Variants in NCOA6 observed in about 807,000 individuals in gnomAD.
NCOA6 encodes nuclear receptor coactivator 6, also known as NRC RAP250.
In NCOA6, 49 loss-of-function variants were observed where a neutral mutation model predicts 171.4. That is an observed-to-expected ratio of 0.29 (90% confidence interval 0.23 to 0.36). NCOA6 has a LOEUF of 0.36. Among genes scored for constraint, NCOA6 ranks in the 10% least tolerant of loss-of-function variants. The probability of loss-of-function intolerance (pLI) is 1.00; values close to 1 mark genes in which losing one functional copy is unlikely to be tolerated. For missense variants in NCOA6, 2,248 were observed against 2,554.5 expected, an observed-to-expected ratio of 0.88 and a Z score of 2.59; for synonymous variants, 910 against 927.5, an observed-to-expected ratio of 0.98 and a Z score of 0.34.
At chr20:34,809,942 T>C (rs780867038) in intron 1 of NCOA6, among the ~76,000 whole-genome samples, 1 of 152,152 alleles carries the variant, frequency 6.6e-6, no homozygotes, top group African/African-American at 2.4e-5. Flanking sequence ...CACTCCAGCC[T>C]GGGTGACAGA....
intron 5 of NCOA6, among the ~76,000 whole-genome samples, chr20:34,760,713 T>A (rs1303808290): frequency 6.6e-6 from 1 of 152,352 alleles, no homozygotes; most frequent in Non-Finnish European, 1.5e-5. Flanking sequence ...TGTCAATTTT[T>A]ATTAAATTAT....
rs1988380051 is a variant in NCOA6, at chr20:34,715,230, G to T, written c.*92C>A. On this transcript the variant is annotated 3_prime_UTR_variant, in exon 15 of 15. Transcript: ENST00000359003. ...GGCCACATTATTAAAATTACTAACT[G>T]TACAGAAATTGATTTAAAAAAGTCA... is the stretch of plus-strand genomic sequence containing the variant. 1.3e-6 allele frequency: 2 copies of T among 1,532,590 alleles called. No homozygotes were observed. 94.9% of individuals were successfully genotyped at this position (1,532,590 alleles called of 1,614,324 possible). A position where few individuals can be genotyped will look rare whatever the true frequency, so the allele number is the denominator to read the frequency against.
In NCOA6 at chr20:34,740,472, G is replaced by A. The variant is rs774711651; in HGVS notation, c.5784C>T (p.Ser1928=). Residue 1928 remains serine, a synonymous_variant, in exon 11 of 15, where the codon TCC becomes TCT. Coordinates refer to ENST00000359003, the MANE Select transcript of NCOA6 (RefSeq NM_014071.5). ...VTTLVPSELI[S]AVPTTKSNHG... ...GATTGCTTTTTGTGGTCGGTACGGCGGAGATGAGCTCGGAGGGTACCAGAG... is the reference window on the plus strand; with the variant it reads ...GATTGCTTTTTGTGGTCGGTACGGCAGAGATGAGCTCGGAGGGTACCAGAG... 2.9e-5 allele frequency: 47 copies of A among 1,614,076 alleles called. No individual in the cohort carries two copies. The highest frequency in any genetic ancestry group is 1.1e-4 in the South Asian group (10 of 91,086).
In NCOA6 at chr20:34,800,740, G is replaced by A. The variant is rs185750018; in HGVS notation, c.-163-8177C>T. Among the ~76,000 whole-genome samples, 157 of 152,246 alleles carry A rather than the reference G, an allele frequency of 1.0e-3. 2 individuals are homozygous for A. The highest frequency in any genetic ancestry group is 6.3e-3 in the Admixed American group (96 of 15,290). ...AAATATTATTAGAGCCAAAGAGAAA[G>A]ACAGACCCCAATACAGTAAGAGCTG... is the stretch of plus-strand genomic sequence containing the variant. On this transcript the variant is annotated intron_variant, in intron 1 of 14. Transcript: ENST00000359003.
chr20:34,783,474 G>A (rs1408339949), intron 2 of NCOA6, among the ~76,000 whole-genome samples: 2 of 152,086 alleles, frequency 1.3e-5, no homozygotes, highest in African/African-American at 2.4e-5. Flanking sequence ...TGTTAGTTTG[G>A]GGATTGAAGA....
chr20:34,740,791 T>C lies in NCOA6; in HGVS notation c.5465A>G (p.Lys1822Arg). The change falls in exon 11 of 15, where the codon AAA becomes AGA. Residue 1822 changes from lysine (K) to arginine (R), a missense_variant. Around this residue, in one of 7 missense-constraint regions of NCOA6, gnomAD observed 884 missense variants for 941.9 expected, o/e 0.94. Coordinates refer to ENST00000359003, the MANE Select transcript of NCOA6 (RefSeq NM_014071.5). ...SSSKGKGKVD[K>R]IGQILLTKAC... is the part of the protein sequence containing the mutation. ...CTTGGTCAACAAAATTTGGCCAATTTTGTCCACTTTTCCTTTGCCCTTACT... is the reference window on the plus strand; with the variant it reads ...CTTGGTCAACAAAATTTGGCCAATTCTGTCCACTTTTCCTTTGCCCTTACT... 6.2e-7 allele frequency: 1 copy of C among 1,614,272 alleles called. No homozygotes were observed. Among genetic ancestry groups the C allele is most frequent in the Non-Finnish European group, 8.5e-7 (1 of 1,180,058 alleles).
intron 11 of NCOA6, chr20:34,738,836 T>C (rs1277073993): frequency 2.2e-6 from 1 of 455,200 alleles, no homozygotes; most frequent in African/African-American, 2.0e-5. Flanking sequence ...ACCAGTGGGC[T>C]AGAATTTGAA....
intron 2 of NCOA6, among the ~76,000 whole-genome samples, chr20:34,784,736 G>A (rs902061568): frequency 6.6e-6 from 1 of 152,052 alleles, no homozygotes; most frequent in African/African-American, 2.4e-5. Context: ...AGCTACGATA[G>A]TGCCACTGCA....
chr20:34,754,910 T>C (rs368039395), intron 7 of NCOA6, 42 bp from the exon 8 acceptor site: 4 of 1,604,640 alleles, frequency 2.5e-6, no homozygotes, highest in Non-Finnish European at 2.6e-6. Flanking sequence ...CTAGCAAATT[T>C]ATACTCTTGC....
At chr20:34,774,257 T>A (rs891216180) in intron 4 of NCOA6, among the ~76,000 whole-genome samples, 4 of 152,224 alleles carry the variant, frequency 2.6e-5, no homozygotes, top group African/African-American at 9.6e-5. Context: ...CCTTAAAGTA[T>A]AAACAGCCCA....
intron 4 of NCOA6, among the ~76,000 whole-genome samples, chr20:34,775,921 C>A (rs2077306301): frequency 6.6e-6 from 1 of 152,088 alleles, no homozygotes; most frequent in South Asian, 2.1e-4. Flanking sequence ...CCAGCCTGGG[C>A]AACACAGAAA....
At chr20:34,823,508 T>G (rs2079066464) in intron 1 of NCOA6, among the ~76,000 whole-genome samples, 1 of 152,250 alleles carries the variant, frequency 6.6e-6, no homozygotes, top group South Asian at 2.1e-4. Context: ...GCCCTGGACC[T>G]ATTTTCCATG....
At chr20:34,791,713 G>A (rs1281843650) in intron 2 of NCOA6, among the ~76,000 whole-genome samples, 4 of 152,200 alleles carry the variant, frequency 2.6e-5, no homozygotes, top group African/African-American at 9.6e-5. Context: ...GCTTGCCAGA[G>A]TAGTCACTTC....
rs535411313 is a variant in NCOA6 at position 34,797,249 on chromosome 20, G to C, written c.-163-4686C>G. 6.6e-5 allele frequency among the ~76,000 whole-genome samples: 10 copies of C among 152,270 alleles called. No homozygotes were observed. The South Asian group carries it at 2.1e-3, about 32-fold the overall frequency. On this transcript the variant is annotated intron_variant, in intron 1 of 14. Transcript: ENST00000359003. Reference sequence around the variant, plus strand: ...CTGCTTGAGGAGAGGAGAGGGAAGAGTAAAAGAGGATTTTGTCTTGCAACT... The same window carrying C: ...CTGCTTGAGGAGAGGAGAGGGAAGACTAAAAGAGGATTTTGTCTTGCAACT...
chr20:34,801,651 C>A (rs181213498), intron 1 of NCOA6, among the ~76,000 whole-genome samples: 1 of 152,208 alleles, frequency 6.6e-6, no homozygotes, highest in East Asian at 1.9e-4. Context: ...AAATCCAAAA[C>A]CTGAACAGAC....
chr20:34,805,567 T>C (rs13037839), intron 1 of NCOA6, among the ~76,000 whole-genome samples: 1 of 152,206 alleles, frequency 6.6e-6, no homozygotes, highest in East Asian at 1.9e-4. Flanking sequence ...TTGGCTATTG[T>C]GAATAGTGCT....
chr20:34,811,533 G>A (rs988087729), intron 1 of NCOA6, among the ~76,000 whole-genome samples: 4 of 151,934 alleles, frequency 2.6e-5, no homozygotes, highest in African/African-American at 9.7e-5. Context: ...ATTTTTATGA[G>A]AAATATGTAT....
intron 5 of NCOA6, among the ~76,000 whole-genome samples, chr20:34,759,758 T>C (rs182554404): frequency 5.9e-5 from 9 of 152,292 alleles, no homozygotes; most frequent in Admixed American, 5.9e-4. Context: ...ATGTTGTGTA[T>C]TTGTCATGAA....
At chr20:34,758,276 T>G (rs1404068823) in intron 6 of NCOA6, among the ~76,000 whole-genome samples, 172 bp from the exon 7 acceptor site, 2 of 152,244 alleles carry the variant, frequency 1.3e-5, no homozygotes, top group Non-Finnish European at 2.9e-5. Flanking sequence ...TGATGAATTC[T>G]GTCTTAAAAA....
Sources: gnomAD v4.1 joint callset for allele counts (sites outside exome capture counted in the v4.1 genomes callset) on GRCh38, gnomAD v4.1.1 for gene constraint, gnomAD v4.1.1 regional missense constraint, MANE v1.5 for transcripts, NCBI Gene and HGNC (gene_info 2026-07-23, HGNC 2026-07-21) for gene names.